Variants in NAALADL2 observed in about 807,000 individuals in gnomAD.
NAALADL2 encodes inactive N-acetylated-alpha-linked acidic dipeptidase-like protein 2.
In NAALADL2, 76 loss-of-function variants were observed where a neutral mutation model predicts 87.2. The ratio of observed to expected loss-of-function variants is 0.87; its 90% confidence interval spans 0.72 to 1.05. The LOEUF (loss-of-function observed/expected upper bound fraction) is 1.05, where lower values mean the gene tolerates loss of function less well. Ranked by LOEUF, NAALADL2 falls within the 50% of genes least tolerant of loss-of-function variation. The probability of loss-of-function intolerance (pLI) is 0.00; values close to 1 mark genes in which losing one functional copy is unlikely to be tolerated. For missense variants in NAALADL2, 1,089 were observed against 945.8 expected (o/e 1.15, Z -1.99); for synonymous variants, 354 against 331.0 (o/e 1.07, Z -0.75).
At chr3:175,501,685 G>A (rs1426963251) in intron 9 of NAALADL2, among the ~76,000 whole-genome samples, 3 of 152,016 alleles carry the variant, frequency 2.0e-5, no homozygotes, top group African/African-American at 7.2e-5. Flanking sequence ...GCAATAGCAG[G>A]TTTCAGAATA....
At chr3:174,558,704 G>A (rs537819759) in intron 2 of NAALADL2, among the ~76,000 whole-genome samples, 1 of 152,250 alleles carries the variant, frequency 6.6e-6, no homozygotes, top group East Asian at 1.9e-4. Flanking sequence ...TCACTTAGCT[G>A]CTGTTCACCT....
intron 7 of NAALADL2, among the ~76,000 whole-genome samples, chr3:175,465,597 C>T (rs561480378): frequency 7.5e-4 from 113 of 151,650 alleles, no homozygotes; most frequent in African/African-American, 2.7e-3. Flanking sequence ...CTCAGCCTCC[C>T]GAATAGCTGG....
chr3:175,352,578 A>T lies in NAALADL2; in HGVS notation c.1090+28253A>T, dbSNP rs896736047. Among the ~76,000 whole-genome samples the T allele has an allele frequency of 2.0e-5, 3 of 152,178 alleles. 1 individual carries two copies. On this transcript the variant is annotated intron_variant, in intron 5 of 13. Transcript: ENST00000454872. ...ATAGGATATAAGGTGCTGCCATTCA[A>T]GAACTATTCCTAGTGCCTCAAAGTC...
At chr3:174,555,622 T>C (rs1317893537) in intron 2 of NAALADL2, among the ~76,000 whole-genome samples, 1 of 152,108 alleles carries the variant, frequency 6.6e-6, no homozygotes, top group Non-Finnish European at 1.5e-5. Flanking sequence ...TTTTGAACAG[T>C]TGTGCAGAAG....
At chr3:174,842,375 C>T (rs1339758370) in intron 3 of NAALADL2, among the ~76,000 whole-genome samples, 1 of 152,054 alleles carries the variant, frequency 6.6e-6, no homozygotes. Context: ...TAATGTTTTG[C>T]TTCAGGTGTT....
chr3:175,089,070 G>C (rs1719601640), intron 1 of NAALADL2, among the ~76,000 whole-genome samples: 1 of 152,144 alleles, frequency 6.6e-6, no homozygotes, highest in Non-Finnish European at 1.5e-5. Context: ...ATAAAGTAGA[G>C]GTTGTGGTCT....
At chr3:175,509,835 T>C (rs1418842040) in intron 9 of NAALADL2, among the ~76,000 whole-genome samples, 2 of 149,564 alleles carry the variant, frequency 1.3e-5, no homozygotes, top group African/African-American at 2.5e-5. Flanking sequence ...ACATCCTTTT[T>C]CTTTTTTTTC....
At chr3:174,994,556 G>A (rs2108732332) in intron 1 of NAALADL2, among the ~76,000 whole-genome samples, 1 of 152,062 alleles carries the variant, frequency 6.6e-6, no homozygotes, top group African/African-American at 2.4e-5. Context: ...AATTTTATTA[G>A]CATTGTATGT....
chr3:175,257,172 G>T (rs978184795), intron 4 of NAALADL2: 2 of 142,026 alleles, frequency 1.4e-5, no homozygotes, highest in Admixed American at 7.3e-5. Flanking sequence ...GCTCATTCTT[G>T]CTTCATTTCC....
At chr3:175,002,485 C>A (rs1748388674) in intron 1 of NAALADL2, among the ~76,000 whole-genome samples, 1 of 152,038 alleles carries the variant, frequency 6.6e-6, no homozygotes, top group Non-Finnish European at 1.5e-5. Context: ...ATTGAAAGAG[C>A]AAATCCATCA....
intron 2 of NAALADL2, among the ~76,000 whole-genome samples, chr3:175,125,271 G>A (rs1394497814): frequency 6.6e-6 from 1 of 152,010 alleles, no homozygotes; most frequent in Non-Finnish European, 1.5e-5. Context: ...GTGAAACATT[G>A]TGGGCCATTG....
chr3:174,852,435 A>G (rs1320805829), intron 3 of NAALADL2, among the ~76,000 whole-genome samples: 1 of 152,210 alleles, frequency 6.6e-6, no homozygotes, highest in East Asian at 1.9e-4. Context: ...AACTATCTAA[A>G]AAGAAACCAA....
At chr3:174,556,277 C>T (rs973914948) in intron 2 of NAALADL2, among the ~76,000 whole-genome samples, 5 of 152,154 alleles carry the variant, frequency 3.3e-5, no homozygotes, top group Non-Finnish European at 5.9e-5. Flanking sequence ...ACTATCTACT[C>T]TTGTTTTATC....
intron 8 of NAALADL2, among the ~76,000 whole-genome samples, chr3:175,469,410 C>T (rs541547900): frequency 1.3e-5 from 2 of 151,940 alleles, no homozygotes; most frequent in Non-Finnish European, 2.9e-5. Context: ...TGAGGAAAGC[C>T]CTTATTGACA....
At chr3:175,461,370 T>C (rs1387312603) in intron 6 of NAALADL2, among the ~76,000 whole-genome samples, 1 of 152,122 alleles carries the variant, frequency 6.6e-6, no homozygotes, top group African/African-American at 2.4e-5. Context: ...TGGTGCATTT[T>C]TACAGAGTGC....
chr3:174,916,110 TA>T (rs777556887), intron 1 of NAALADL2, among the ~76,000 whole-genome samples: 1 of 151,828 alleles, frequency 6.6e-6, no homozygotes, highest in Non-Finnish European at 1.5e-5. Flanking sequence ...CCAACAAACA[TA>T]AAAAAATGCT....
chr3:174,453,612 C>T (rs765279851), intron 1 of NAALADL2, among the ~76,000 whole-genome samples: 42 of 152,316 alleles, frequency 2.8e-4, no homozygotes, highest in Admixed American at 1.4e-3. Flanking sequence ...GGCCAATATT[C>T]AACATTCTTA....
intron 1 of NAALADL2, among the ~76,000 whole-genome samples, chr3:174,446,323 T>G (rs1715047250): frequency 1.3e-5 from 2 of 152,186 alleles, no homozygotes; most frequent in African/African-American, 4.8e-5. Context: ...ACTTTCAAAC[T>G]TATATTCTTT....
chr3:175,151,701 CATACATACT>C, intron 2 of NAALADL2, among the ~76,000 whole-genome samples: 1 of 152,154 alleles, frequency 6.6e-6, no homozygotes, highest in Non-Finnish European at 1.5e-5. Context: ...CACGCACATG[CATACATACT>C]ACTCGACTTT....
Sources: gnomAD v4.1 joint callset for allele counts (sites outside exome capture counted in the v4.1 genomes callset) on GRCh38, gnomAD v4.1.1 for gene constraint, MANE v1.5 for transcripts, NCBI Gene and HGNC (gene_info 2026-07-23, HGNC 2026-07-21) for gene names.